ZC3HAV1: variants seen among roughly 807,000 people sequenced by gnomAD.
The protein encoded by ZC3HAV1 is zinc finger CCCH-type antiviral protein 1.
In ZC3HAV1, 41 loss-of-function variants were observed where a neutral mutation model predicts 86.6. That is an observed-to-expected ratio of 0.47 (90% CI 0.37 to 0.61). ZC3HAV1 has a LOEUF of 0.61. ZC3HAV1 is among the 20% of genes least tolerant of loss of function. The pLI is 0.00. For missense variants in ZC3HAV1, 964 were observed against 1,141.1 expected, an observed-to-expected ratio of 0.84 and a Z score of 2.24; for synonymous variants, 421 against 432.1, an observed-to-expected ratio of 0.97 and a Z score of 0.32.
intron 2 of ZC3HAV1, among the ~76,000 whole-genome samples, chr7:139,084,582 G>A (rs1395746797): frequency 2.0e-5 from 3 of 152,150 alleles, no homozygotes; most frequent in East Asian, 1.9e-4. Flanking sequence ...CTGAGGCCAC[G>A]CCATATGATA....
chr7:139,097,416 A>ATT (rs1368279713), intron 1 of ZC3HAV1, among the ~76,000 whole-genome samples: 26 of 77,176 alleles, frequency 3.4e-4, no homozygotes, highest in South Asian at 1.1e-3. Context: ...ATATATATAT[A>ATT]TATATATATA....
chr7:139,103,342 C>T (rs1455806083), intron 1 of ZC3HAV1, among the ~76,000 whole-genome samples: 2 of 150,856 alleles, frequency 1.3e-5, no homozygotes, highest in African/African-American at 2.4e-5. Flanking sequence ...TGTCCTCAAT[C>T]CTCTCATCTT....
At chr7:139,101,197 C>T (rs1210024090) in intron 1 of ZC3HAV1, among the ~76,000 whole-genome samples, 1 of 151,866 alleles carries the variant, frequency 6.6e-6, no homozygotes, top group African/African-American at 2.4e-5. Context: ...TAGCTACAAC[C>T]TCCACCTCCC....
Position 139,045,776 on chromosome 7 carries a change from A to G in ZC3HAV1, c.*1818T>C, listed in dbSNP as rs1033545887. ...AAAGAGTTGGACAAACTGCACCCCT[A>G]CAATGTGAGGGTCAAGTTCAGAAAA... On this transcript the variant is annotated 3_prime_UTR_variant, in exon 13 of 13. Transcript: ENST00000242351. 2 of 152,102 alleles carry G rather than the reference A, an allele frequency of 1.3e-5. No homozygotes were observed. The highest frequency in any genetic ancestry group is 1.3e-4 in the Admixed American group (2 of 15,260). The allele number at this position is 152,102 out of a possible 1,614,324, so 9.4% of individuals were successfully genotyped here. A position where few individuals can be genotyped will look rare whatever the true frequency, so the allele number is the denominator to read the frequency against.
chr7:139,061,529 A>G (rs1816443259), intron 8 of ZC3HAV1, among the ~76,000 whole-genome samples: 1 of 152,226 alleles, frequency 6.6e-6, no homozygotes, highest in Non-Finnish European at 1.5e-5. Context: ...CAAGTGTGAA[A>G]TATCATTTTC....
chr7:139,086,289 T>C (rs1817270622), intron 2 of ZC3HAV1, among the ~76,000 whole-genome samples: 3 of 152,190 alleles, frequency 2.0e-5, no homozygotes, highest in African/African-American at 2.4e-5. Context: ...CTCAGACCTC[T>C]AGTTCAGGAA....
chr7:139,051,577 A>C (rs1454301155), intron 12 of ZC3HAV1, among the ~76,000 whole-genome samples: 1 of 151,796 alleles, frequency 6.6e-6, no homozygotes, highest in East Asian at 1.9e-4. Flanking sequence ...CAGGTAATTA[A>C]AAAAATTTGT....
intron 12 of ZC3HAV1, among the ~76,000 whole-genome samples, chr7:139,052,491 G>T (rs1454124695): frequency 6.7e-6 from 1 of 150,174 alleles, no homozygotes; most frequent in Non-Finnish European, 1.5e-5. Flanking sequence ...TGTAATCCCA[G>T]CTACTTGAGA....
At chr7:139,105,326 AC>A (rs991481823) in intron 1 of ZC3HAV1, among the ~76,000 whole-genome samples, 1 of 152,216 alleles carries the variant, frequency 6.6e-6, no homozygotes, top group African/African-American at 2.4e-5. Context: ...CGAGTTTCCT[AC>A]AATAAGGATG....
intron 1 of ZC3HAV1, among the ~76,000 whole-genome samples, chr7:139,093,672 T>C (rs538586580): frequency 3.2e-4 from 48 of 152,260 alleles, no homozygotes; most frequent in East Asian, 1.5e-3. Context: ...TTCCACTACC[T>C]ACCCAAATCC....
At position 139,047,477 on chromosome 7, in the gene ZC3HAV1, T is replaced by A; in HGVS notation, c.*117A>T. The A allele has an allele frequency of 6.8e-7, 1 of 1,459,862 alleles. No individual in the cohort carries two copies. Among genetic ancestry groups the A allele is most frequent in the Non-Finnish European group, 9.3e-7 (1 of 1,074,120 alleles). 90.4% of individuals were successfully genotyped at this position (1,459,862 alleles called of 1,614,324 possible). A position where few individuals can be genotyped will look rare whatever the true frequency, so the allele number is the denominator to read the frequency against. On this transcript the variant is annotated 3_prime_UTR_variant, in exon 13 of 13. Transcript: ENST00000242351. The stretch of plus-strand genomic sequence containing the variant: ...TAGCAAAATTTGGGGACCACTGATC[T>A]AAGACATTAGATAACTGAGCAGGAA...
intron 1 of ZC3HAV1, among the ~76,000 whole-genome samples, chr7:139,101,754 T>C (rs1366767791): frequency 6.6e-6 from 1 of 151,558 alleles, no homozygotes; most frequent in Non-Finnish European, 1.5e-5. Context: ...CACTCAGGGT[T>C]AAATGGATTA....
intron 3 of ZC3HAV1, among the ~76,000 whole-genome samples, chr7:139,083,077 G>GT (rs11419328): frequency 0.19 from 28,547 of 151,942 alleles, 3,016 homozygotes; most frequent in East Asian, 0.36. Context: ...AATGTTCTAC[G>GT]TGTGTGTGAG....
At chr7:139,052,312 G>C (rs560699300) in intron 12 of ZC3HAV1, among the ~76,000 whole-genome samples, 1 of 119,078 alleles carries the variant, frequency 8.4e-6, no homozygotes, top group Non-Finnish European at 1.6e-5. Context: ...TTGTTTTTAA[G>C]AGTTGCATGC....
intron 1 of ZC3HAV1, among the ~76,000 whole-genome samples, chr7:139,091,977 C>G (rs926650733): frequency 6.6e-6 from 1 of 152,072 alleles, no homozygotes; most frequent in Non-Finnish European, 1.5e-5. Context: ...TCCCCGCCCC[C>G]GAAGAAGGGG....
chr7:139,099,236 C>T (rs1415208159), intron 1 of ZC3HAV1, among the ~76,000 whole-genome samples: 3 of 151,958 alleles, frequency 2.0e-5, no homozygotes, highest in Non-Finnish European at 4.4e-5. Context: ...TTACAGGGTG[C>T]ACCCTTTTGT....
At chr7:139,074,080 T>G in intron 6 of ZC3HAV1, 50 bp from the exon 7 acceptor site, 2 of 1,546,614 alleles carry the variant, frequency 1.3e-6, no homozygotes, top group Non-Finnish European at 1.8e-6. Context: ...GACCCCTGTT[T>G]TCTACAATCT....
At chr7:139,085,669 C>T (rs9690859) in intron 2 of ZC3HAV1, among the ~76,000 whole-genome samples, 44,785 of 151,998 alleles carry the variant, frequency 0.29, 7,758 homozygotes, top group African/African-American at 0.47. Flanking sequence ...CACTTAACTT[C>T]GCCCCTCTCT....
At chr7:139,102,359 A>T (rs1014466245) in intron 1 of ZC3HAV1, among the ~76,000 whole-genome samples, 3 of 152,092 alleles carry the variant, frequency 2.0e-5, no homozygotes, top group Non-Finnish European at 4.4e-5. Context: ...CGAACCCCTG[A>T]CTTCAAGAGA....
Sources: allele counts gnomAD v4.1 joint callset (sites outside exome capture counted in the v4.1 genomes callset), GRCh38; gene constraint gnomAD v4.1.1; transcripts MANE v1.5; gene names NCBI Gene and HGNC (gene_info 2026-07-23, HGNC 2026-07-21).